Variants in RBPJ observed in about 807,000 individuals in gnomAD.
RBPJ encodes recombination signal binding protein for immunoglobulin kappa J region, also known as recombining binding protein suppressor of hairless.
In RBPJ, 9 loss-of-function variants were observed where a neutral mutation model predicts 67.8. The observed-to-expected ratio is 0.13, with a 90% CI of 0.08 to 0.23. RBPJ has a LOEUF of 0.23. RBPJ is among the 10% of genes least tolerant of loss of function. The probability of loss-of-function intolerance (pLI) is 1.00; values close to 1 mark genes in which losing one functional copy is unlikely to be tolerated. For synonymous variants in RBPJ, 198 were observed against 203.3 expected, an observed-to-expected ratio of 0.97 and a Z score of 0.22; for missense variants, 305 against 595.6, an observed-to-expected ratio of 0.51 and a Z score of 5.08.
chr4:26,138,276 G>A, the RBPJ span, among the ~76,000 whole-genome samples: 2 of 151,904 alleles, frequency 1.3e-5, no homozygotes, highest in Non-Finnish European at 2.9e-5. Context: ...GCCAGCCTGA[G>A]TTGGGTTTTG....
At chr4:26,208,297 T>C (rs1204866732) in intron 1 of RBPJ, among the ~76,000 whole-genome samples, 1 of 152,178 alleles carries the variant, frequency 6.6e-6, no homozygotes, top group African/African-American at 2.4e-5. Context: ...TTCCCACTGA[T>C]AAAAAGTGCA....
chr4:26,191,204 TATATATAGAGAGAGAGAG>T (rs1314354360), intron 1 of RBPJ, among the ~76,000 whole-genome samples: 9 of 31,838 alleles, frequency 2.8e-4, no homozygotes, highest in African/African-American at 7.8e-4. Context: ...TATATATATA[TATATATAGAGAGAGAGAG>T]AGAGAGAGAG....
upstream of RBPJ, among the ~76,000 whole-genome samples, chr4:26,320,124 A>T (rs966481782): frequency 9.5e-4 from 144 of 152,338 alleles, no homozygotes; most frequent in African/African-American, 3.3e-3. Flanking sequence ...GAGGCCATGC[A>T]GCACGCGAGC....
chr4:26,331,358 A>G (rs951359063), intron 1 of RBPJ, among the ~76,000 whole-genome samples: 6 of 150,598 alleles, frequency 4.0e-5, no homozygotes, highest in African/African-American at 1.5e-4. Context: ...AAGTGCTGGG[A>G]TTACAAGTGT....
chr4:26,424,429 G>C lies in RBPJ; in HGVS notation c.584G>C (p.Gly195Ala). ...VSTRYLHVEG[G>A]NFHASSQQWG... is the part of the protein sequence containing the mutation. ...ACCAGATACTTGCATGTAGAAGGAG[G>C]TAATTTTCATGCCAGTTCACAGCAG... Residue 195 changes from glycine to alanine, a missense_variant, in exon 6 of 11, where the codon GGT (glycine) becomes GCT (alanine). Gly to Ala is a moderately conservative substitution (Grantham distance 60, BLOSUM62 0). Around this residue, in one of 7 missense-constraint regions of RBPJ, gnomAD observed 66 missense variants for 226.0 expected, o/e 0.29. Transcript: ENST00000355476. This position sits in a 1 kb window ranked among gnomAD's most constrained non-coding sequence, Gnocchi z 5.3. 6.2e-7 allele frequency: 1 copy of C among 1,613,998 alleles called. No individual in the cohort carries two copies. Among genetic ancestry groups the C allele is most frequent in the Non-Finnish European group, 8.5e-7 (1 of 1,179,890 alleles).
chr4:26,120,689 A>G, the RBPJ span, among the ~76,000 whole-genome samples: 5 of 142,786 alleles, frequency 3.5e-5, no homozygotes, highest in African/African-American at 1.3e-4. Context: ...ATAACCTAAT[A>G]GGTTACTCAA....
chr4:26,433,959 A>G lies in RBPJ; in HGVS notation c.*2952A>G, dbSNP rs1736458983. The G allele has an allele frequency of 6.6e-6, 1 of 152,320 alleles. No homozygotes were observed. Among genetic ancestry groups the G allele is most frequent in the African/African-American group, 2.4e-5 (1 of 41,580 alleles). 9.4% of individuals were successfully genotyped at this position (152,320 alleles called of 1,614,324 possible). A position where few individuals can be genotyped will look rare whatever the true frequency, so the allele number is the denominator to read the frequency against. On this transcript the variant is annotated 3_prime_UTR_variant, in exon 11 of 11. Coordinates refer to ENST00000355476, the MANE Select transcript of RBPJ (RefSeq NM_015874.6). ...TTAAAAAATTCTGTTTTAGAAATGTATCTTATGCTCTCATGACTATGCAGT... is the reference window on the plus strand; with the variant it reads ...TTAAAAAATTCTGTTTTAGAAATGTGTCTTATGCTCTCATGACTATGCAGT...
At chr4:26,374,383 C>T (rs1243456085) in intron 1 of RBPJ, among the ~76,000 whole-genome samples, 1 of 152,126 alleles carries the variant, frequency 6.6e-6, no homozygotes, top group Non-Finnish European at 1.5e-5. Flanking sequence ...TTGCCTCCCT[C>T]ACTCACACTA....
Position 26,165,714 on chromosome 4 carries a change from T to C in RBPJ, c.-167+2100T>C, listed in dbSNP as rs1577424682. Among the ~76,000 whole-genome samples the C allele has an allele frequency of 5.5e-5, 4 of 72,384 alleles. No individual in the cohort carries two copies. In the East Asian group the frequency reaches 3.2e-3, roughly 57 times the overall value. 47.5% of individuals were successfully genotyped at this position (72,384 alleles called of 152,430 possible). Reference sequence around the variant, plus strand: ...ACATATATTTTTTCATTTTTTTTCTTTTTTTTTTATTATCATTATACTTTA... The same window carrying C: ...ACATATATTTTTTCATTTTTTTTCTCTTTTTTTTATTATCATTATACTTTA... On this transcript the variant is annotated intron_variant, in intron 1 of 4. Coordinates refer to the RBPJ transcript ENST00000512351.
Position 26,424,199 on chromosome 4 carries a change from C to G in RBPJ, c.497-143C>G, listed in dbSNP as rs2109818285. 1.4e-6 allele frequency: 1 copy of G among 706,478 alleles called. No homozygotes were observed. 43.8% of individuals were successfully genotyped at this position (706,478 alleles called of 1,614,324 possible). A position where few individuals can be genotyped will look rare whatever the true frequency, so the allele number is the denominator to read the frequency against. ...CCTTGACTTTTTGATATCATCTGTA[C>G]TGTCTTGGAAAGTGAAAATATTTGT... On this transcript the variant is annotated intron_variant, in intron 5 of 10. Transcript: ENST00000355476. This position sits in a 1 kb window ranked among gnomAD's most constrained non-coding sequence, Gnocchi z 5.3.
chr4:26,416,685 T>A (rs1003283705), intron 4 of RBPJ, among the ~76,000 whole-genome samples: 6 of 152,362 alleles, frequency 3.9e-5, no homozygotes, highest in African/African-American at 1.4e-4. Context: ...GTTTCATTAT[T>A]TGATACATCC....
chr4:26,223,483 G>GCTC, intron 1 of RBPJ, among the ~76,000 whole-genome samples: 1 of 152,316 alleles, frequency 6.6e-6, no homozygotes, highest in East Asian at 1.9e-4. Flanking sequence ...GTCTTGAAAA[G>GCTC]TAAAAAGTAG....
At position 26,213,630 on chromosome 4, in the gene RBPJ, G is replaced by A. The variant is rs148631793; in HGVS notation, c.-167+50016G>A. ...GGGGGCTAGATCCAGCATGGCCCAG[G>A]AGGCCATGGAAATGGGTTTGGATTT... On this transcript the variant is annotated intron_variant, in intron 1 of 4. Transcript: ENST00000512351. 5.9e-3 allele frequency among the ~76,000 whole-genome samples: 901 copies of A among 152,286 alleles called. 14 individuals are homozygous for A. Among genetic ancestry groups the A allele is most frequent in the African/African-American group, 0.021 (863 of 41,556 alleles).
chr4:26,199,395 G>C (rs1017314763), intron 1 of RBPJ, among the ~76,000 whole-genome samples: 3 of 152,134 alleles, frequency 2.0e-5, no homozygotes, highest in Admixed American at 2.0e-4. Flanking sequence ...AGACAGTGAG[G>C]AAAGAAAAGG....
At chr4:26,261,318 A>T (rs1357371411) in intron 1 of RBPJ, among the ~76,000 whole-genome samples, 3 of 152,152 alleles carry the variant, frequency 2.0e-5, no homozygotes, top group Admixed American at 1.3e-4. Flanking sequence ...GAATTAATGA[A>T]TGGATTCTTT....
chr4:26,159,030 C>G (rs1716031071), upstream of RBPJ, among the ~76,000 whole-genome samples: 1 of 144,452 alleles, frequency 6.9e-6, no homozygotes, highest in African/African-American at 2.6e-5. Flanking sequence ...ATAGTCATTC[C>G]TTAAAATGAT....
chr4:26,309,432 A>G (rs1327505352), intron 1 of RBPJ, among the ~76,000 whole-genome samples: 2 of 152,234 alleles, frequency 1.3e-5, no homozygotes, highest in Non-Finnish European at 2.9e-5. Context: ...ATAATTTCCT[A>G]AGAAATTTAT....
chr4:26,290,317 TAAAAAAAAAAA>T (rs35451160), intron 1 of RBPJ, among the ~76,000 whole-genome samples: 1 of 109,370 alleles, frequency 9.1e-6, no homozygotes, highest in African/African-American at 3.8e-5. Context: ...AGACCCTGTC[TAAAAAAAAAAA>T]AAAAAAAAAG....
At chr4:26,347,806 G>C (rs952350259) in intron 1 of RBPJ, among the ~76,000 whole-genome samples, 4 of 152,152 alleles carry the variant, frequency 2.6e-5, no homozygotes, top group Non-Finnish European at 5.9e-5. Context: ...GTAACCTTGT[G>C]CTGCTTCTCA....
Sources: allele counts gnomAD v4.1 joint callset (sites outside exome capture counted in the v4.1 genomes callset), GRCh38; gene constraint gnomAD v4.1.1; regional missense constraint gnomAD v4.1.1; non-coding constraint Gnocchi (gnomAD v3.1); transcripts MANE v1.5; gene names NCBI Gene and HGNC (gene_info 2026-07-23, HGNC 2026-07-21).